The following GNA14 variants were observed in gnomAD, a reference collection of about 807,000 sequenced individuals.
The protein encoded by GNA14 is G protein subunit alpha 14, also known as guanine nucleotide-binding protein subunit alpha-14.
In GNA14, 50 loss-of-function variants were observed where a neutral mutation model predicts 42.0. The observed-to-expected ratio is 1.19, with a 90% CI of 0.95 to 1.51. The LOEUF (loss-of-function observed/expected upper bound fraction) is 1.51, where lower values mean the gene tolerates loss of function less well. GNA14 is among the 40% of genes most tolerant of loss of function. The pLI, the probability that GNA14 is intolerant of heterozygous loss-of-function variation, is 0.00. For synonymous variants in GNA14, 173 were observed against 163.1 expected, an observed-to-expected ratio of 1.06 and a Z score of -0.46; for missense variants, 473 against 446.2, an observed-to-expected ratio of 1.06 and a Z score of -0.54.
chr9:77,538,234 C>G (rs1432509439), intron 1 of GNA14, among the ~76,000 whole-genome samples: 1 of 152,070 alleles, frequency 6.6e-6, no homozygotes, highest in Non-Finnish European at 1.5e-5. Context: ...CCACACCCAG[C>G]TAATTTTTTA....
At chr9:77,635,928 T>C (rs1425565225) in intron 1 of GNA14, among the ~76,000 whole-genome samples, 2 of 152,172 alleles carry the variant, frequency 1.3e-5, no homozygotes, top group Non-Finnish European at 2.9e-5. Flanking sequence ...AACCAATTTT[T>C]AAAATTTTCC....
chr9:77,466,009 A>C (rs1287108085), intron 2 of GNA14, among the ~76,000 whole-genome samples: 1 of 152,168 alleles, frequency 6.6e-6, no homozygotes, highest in Non-Finnish European at 1.5e-5. Context: ...CATAATGAGT[A>C]GTTTATCTCT....
intron 2 of GNA14, among the ~76,000 whole-genome samples, chr9:77,520,745 A>G (rs953983525): frequency 1.3e-5 from 2 of 152,180 alleles, no homozygotes; most frequent in African/African-American, 2.4e-5. Flanking sequence ...GGACGGATGC[A>G]TAAGTGTTCA....
intron 1 of GNA14, among the ~76,000 whole-genome samples, chr9:77,640,475 G>A (rs1041784339): frequency 6.6e-6 from 1 of 152,024 alleles, no homozygotes; most frequent in South Asian, 2.1e-4. Flanking sequence ...AAAGATGACA[G>A]ACTAGAAGGC....
intron 5 of GNA14, among the ~76,000 whole-genome samples, chr9:77,428,512 A>C (rs1835491240): frequency 1.3e-5 from 2 of 151,930 alleles, no homozygotes; most frequent in African/African-American, 4.8e-5. Flanking sequence ...AAATCCCCCC[A>C]CTCAGGCCCC....
chr9:77,517,209 C>A (rs1199893305), intron 2 of GNA14, among the ~76,000 whole-genome samples: 2 of 152,296 alleles, frequency 1.3e-5, no homozygotes, highest in Middle Eastern at 3.4e-3. Context: ...GACTTTCCTG[C>A]CCATAGATGC....
chr9:77,499,389 CA>C (rs10716926), intron 2 of GNA14, among the ~76,000 whole-genome samples: 56,758 of 139,340 alleles, frequency 0.41, 11,552 homozygotes, highest in African/African-American at 0.58. Flanking sequence ...CAAATTGCTT[CA>C]AAAAAAAAAA....
intron 2 of GNA14, among the ~76,000 whole-genome samples, chr9:77,454,920 A>C (rs987286887): frequency 6.6e-6 from 1 of 152,238 alleles, no homozygotes; most frequent in Non-Finnish European, 1.5e-5. Context: ...ATCTATTCAA[A>C]GGCTGTGGAT....
chr9:77,568,432 C>T (rs1366645200), intron 1 of GNA14, among the ~76,000 whole-genome samples: 1 of 149,906 alleles, frequency 6.7e-6, no homozygotes, highest in Non-Finnish European at 1.5e-5. Context: ...GTGGAGGTTG[C>T]AGTGAGCAGG....
chr9:77,535,815 A>T (rs1183341583), intron 1 of GNA14, among the ~76,000 whole-genome samples: 1 of 151,882 alleles, frequency 6.6e-6, no homozygotes, highest in Non-Finnish European at 1.5e-5. Flanking sequence ...GGCCCTTCAA[A>T]GGGGAACCTG....
chr9:77,532,514 A>G (rs561628551), intron 1 of GNA14, among the ~76,000 whole-genome samples: 2 of 152,316 alleles, frequency 1.3e-5, no homozygotes, highest in South Asian at 4.1e-4. Flanking sequence ...AACTCAAGCT[A>G]AGGATCTCAG....
At chr9:77,599,147 T>G (rs1191265932) in intron 1 of GNA14, among the ~76,000 whole-genome samples, 1 of 152,204 alleles carries the variant, frequency 6.6e-6, no homozygotes, top group Non-Finnish European at 1.5e-5. Context: ...TAATTGATAT[T>G]AGAGTTCAGT....
chr9:77,637,415 G>A (rs1251103789), intron 1 of GNA14, among the ~76,000 whole-genome samples: 1 of 152,168 alleles, frequency 6.6e-6, no homozygotes, highest in Non-Finnish European at 1.5e-5. Context: ...TTGAGAAGAT[G>A]TTGACCTCAT....
At chr9:77,487,866 G>A (rs757184858) in intron 2 of GNA14, among the ~76,000 whole-genome samples, 1 of 152,070 alleles carries the variant, frequency 6.6e-6, no homozygotes, top group African/African-American at 2.4e-5. Flanking sequence ...TCACCATCTC[G>A]CTCAGATCTC....
At chr9:77,499,295 A>ATC (rs536079726) in intron 2 of GNA14, among the ~76,000 whole-genome samples, 182 of 152,314 alleles carry the variant, frequency 1.2e-3, no homozygotes, top group African/African-American at 4.1e-3. Context: ...TCTGGAAAAT[A>ATC]ACAGCAGAAT....
intron 1 of GNA14, among the ~76,000 whole-genome samples, chr9:77,544,510 C>T (rs897056691): frequency 3.3e-5 from 5 of 152,034 alleles, no homozygotes; most frequent in Admixed American, 2.0e-4. Flanking sequence ...CAAGACCAGC[C>T]TGGCCAACAT....
chr9:77,432,730 C>A lies in GNA14; in HGVS notation c.465-1281G>T, dbSNP rs1277788067. 2.0e-5 allele frequency among the ~76,000 whole-genome samples: 3 copies of A among 152,146 alleles called. No individual in the cohort carries two copies. In the East Asian group the frequency reaches 5.8e-4, roughly 29 times the overall value. ...CCCCTCGTCCATGTCAGTGGCCTTG[C>A]CCCCATGGTTTTCAGGGTTACACTG... On this transcript the variant is annotated intron_variant, in intron 3 of 6. Transcript: ENST00000341700.
chr9:77,535,848 C>G lies in GNA14; in HGVS notation c.125-6595G>C, dbSNP rs146945891. 7.8e-4 allele frequency among the ~76,000 whole-genome samples: 117 copies of G among 150,598 alleles called. 2 individuals are homozygous for G. The East Asian group carries it at 0.02, about 25-fold the overall frequency. On this transcript the variant is annotated intron_variant, in intron 1 of 6. Transcript: ENST00000341700. ...CTGTGCTAATAGAATATGCCTGGGA[C>G]TGGAATGCTCAAGCTATTGCATTAC...
At chr9:77,624,925 G>C (rs1823989778) in intron 1 of GNA14, among the ~76,000 whole-genome samples, 1 of 151,988 alleles carries the variant, frequency 6.6e-6, no homozygotes, top group Non-Finnish European at 1.5e-5. Context: ...GACCGAAGTA[G>C]GCTTCAGAAG....
Sources: allele counts gnomAD v4.1 joint callset (sites outside exome capture counted in the v4.1 genomes callset), GRCh38; gene constraint gnomAD v4.1.1; transcripts MANE v1.5; gene names NCBI Gene and HGNC (gene_info 2026-07-23, HGNC 2026-07-21).